Variants in SLC10A7 observed in about 807,000 individuals in gnomAD.
SLC10A7 encodes sodium/bile acid cotransporter 7.
Under a neutral mutation model 43.2 loss-of-function variants are expected in SLC10A7, and 29 were observed. The observed-to-expected ratio is 0.67, with a 90% CI of 0.50 to 0.92. The LOEUF is 0.92. SLC10A7 is among the 40% of genes least tolerant of loss of function. SLC10A7 has a pLI of 0.00. For missense variants in SLC10A7, 295 were observed against 403.2 expected (o/e 0.73, Z 2.30); for synonymous variants, 152 against 144.8 (o/e 1.05, Z -0.35).
chr4:146,439,889 A>G (rs1348198290), intron 5 of SLC10A7, among the ~76,000 whole-genome samples: 1 of 152,186 alleles, frequency 6.6e-6, no homozygotes, highest in African/African-American at 2.4e-5. Context: ...ACCATCCTTT[A>G]AGAATAATAA....
intron 10 of SLC10A7, among the ~76,000 whole-genome samples, chr4:146,271,906 A>C (rs968393169): frequency 5.3e-5 from 8 of 152,038 alleles, no homozygotes; most frequent in African/African-American, 1.9e-4. Flanking sequence ...TTTTGACCCA[A>C]TGTGCCCTTT....
At chr4:146,440,313 T>C (rs966691153) in intron 5 of SLC10A7, among the ~76,000 whole-genome samples, 4 of 151,218 alleles carry the variant, frequency 2.6e-5, no homozygotes, top group Admixed American at 2.6e-4. Flanking sequence ...AGACAGAGTC[T>C]CGCTCTTTCA....
chr4:146,319,279 A>T (rs1366613045), intron 6 of SLC10A7, among the ~76,000 whole-genome samples: 17 of 151,856 alleles, frequency 1.1e-4, no homozygotes, highest in Non-Finnish European at 4.4e-5. Flanking sequence ...CACTGGGTAT[A>T]CTCCCAGGAC....
rs764390721 is a variant in SLC10A7, at chr4:146,521,827, T to C, written c.-110A>G. 7.0e-5 allele frequency: 61 copies of C among 870,610 alleles called. No individual in the cohort carries two copies. Among genetic ancestry groups the C allele is most frequent in the Non-Finnish European group, 8.8e-5 (48 of 543,518 alleles). 53.9% of individuals were successfully genotyped at this position (870,610 alleles called of 1,614,324 possible). On this transcript the variant is annotated 5_prime_UTR_variant, in exon 1 of 12. It removes an upstream start codon present in the reference 5' UTR. Coordinates refer to ENST00000335472, the MANE Select transcript of SLC10A7 (RefSeq NM_001029998.6). ...ACACTTTCCTTGGTCCCTCCAGACA[T>C]GCAGCAGAGCAAGTCAAATTGCCGA... is the stretch of plus-strand genomic sequence containing the variant.
At chr4:146,369,372 T>G (rs959172419) in intron 5 of SLC10A7, among the ~76,000 whole-genome samples, 2 of 152,224 alleles carry the variant, frequency 1.3e-5, no homozygotes, top group African/African-American at 4.8e-5. Flanking sequence ...TAGTAAACAC[T>G]CAGGAACTAT....
intron 5 of SLC10A7, among the ~76,000 whole-genome samples, chr4:146,423,080 T>C (rs1038308606): frequency 1.3e-5 from 2 of 152,116 alleles, no homozygotes; most frequent in African/African-American, 4.8e-5. Flanking sequence ...TGAATAAATA[T>C]GTATAAAAAG....
intron 11 of SLC10A7, among the ~76,000 whole-genome samples, chr4:146,258,052 G>A (rs976825962): frequency 5.9e-5 from 9 of 152,176 alleles, no homozygotes; most frequent in African/African-American, 1.9e-4. Context: ...ATGCTACCAC[G>A]TGATATGCAC....
intron 5 of SLC10A7, among the ~76,000 whole-genome samples, chr4:146,377,119 T>A (rs1421510615): frequency 6.6e-6 from 1 of 152,186 alleles, no homozygotes; most frequent in African/African-American, 2.4e-5. Context: ...AGCTAGCAGA[T>A]ATTTAAGAAT....
At chr4:146,346,927 A>G (rs1017640028) in intron 5 of SLC10A7, among the ~76,000 whole-genome samples, 1 of 152,162 alleles carries the variant, frequency 6.6e-6, no homozygotes, top group Non-Finnish European at 1.5e-5. Context: ...GAGGGGGGAA[A>G]CAAAGATAAA....
intron 5 of SLC10A7, among the ~76,000 whole-genome samples, chr4:146,414,681 C>T (rs924278925): frequency 2.0e-5 from 3 of 151,440 alleles, no homozygotes; most frequent in Non-Finnish European, 4.4e-5. Context: ...CGAGGTTATA[C>T]CACTGCATAC....
At chr4:146,359,651 T>A (rs1480624249) in intron 5 of SLC10A7, among the ~76,000 whole-genome samples, 1 of 152,178 alleles carries the variant, frequency 6.6e-6, no homozygotes, top group Non-Finnish European at 1.5e-5. Context: ...TATATTTGGC[T>A]TGACTATGAA....
intron 4 of SLC10A7, among the ~76,000 whole-genome samples, chr4:146,491,677 AGG>A (rs1491093097): frequency 7.9e-6 from 1 of 126,084 alleles, no homozygotes. Context: ...GGAGGGAGGA[AGG>A]GAAGGAAGGA....
At chr4:146,466,107 T>C (rs1349594636) in intron 4 of SLC10A7, among the ~76,000 whole-genome samples, 1 of 152,204 alleles carries the variant, frequency 6.6e-6, no homozygotes, top group African/African-American at 2.4e-5. Flanking sequence ...TACTTTCTAA[T>C]CCCCAACTCA....
chr4:146,367,665 T>A (rs1736491040), intron 5 of SLC10A7, among the ~76,000 whole-genome samples: 1 of 152,068 alleles, frequency 6.6e-6, no homozygotes, highest in Non-Finnish European at 1.5e-5. Context: ...AATTGTGAGA[T>A]CTCCCGAGAA....
intron 4 of SLC10A7, among the ~76,000 whole-genome samples, chr4:146,459,791 A>T (rs1029486537): frequency 2.0e-5 from 3 of 151,842 alleles, no homozygotes; most frequent in African/African-American, 7.2e-5. Flanking sequence ...CAAAAATCAC[A>T]AACTTTTGAT....
chr4:146,478,347 G>A (rs1386592296), intron 4 of SLC10A7: 1 of 152,166 alleles, frequency 6.6e-6, no homozygotes, highest in Admixed American at 6.5e-5. Flanking sequence ...TTCTTTTTGA[G>A]TGGACGAGAG....
chr4:146,323,526 C>T (rs1460889303), intron 6 of SLC10A7, among the ~76,000 whole-genome samples: 1 of 152,146 alleles, frequency 6.6e-6, no homozygotes, highest in Non-Finnish European at 1.5e-5. Context: ...TGTCAAAGAT[C>T]ACATGGTTGC....
chr4:146,486,788 T>A (rs180831573), intron 4 of SLC10A7, among the ~76,000 whole-genome samples: 49 of 152,344 alleles, frequency 3.2e-4, no homozygotes, highest in Admixed American at 5.2e-4. Context: ...GAGAATCCCC[T>A]ATAGGGCAGT....
chr4:146,449,359 T>A (rs1731379119), intron 4 of SLC10A7, among the ~76,000 whole-genome samples: 1 of 152,110 alleles, frequency 6.6e-6, no homozygotes, highest in Admixed American at 6.5e-5. Context: ...CAATTCCAAA[T>A]GAGCCAAGAA....
Sources: allele counts gnomAD v4.1 joint callset (sites outside exome capture counted in the v4.1 genomes callset), GRCh38; gene constraint gnomAD v4.1.1; transcripts MANE v1.5; gene names NCBI Gene and HGNC (gene_info 2026-07-23, HGNC 2026-07-21).